Variants in ALKBH8 observed in about 807,000 individuals in gnomAD.
ALKBH8 encodes the protein tRNA (carboxymethyluridine(34)-5-O)-methyltransferase ALKBH8.
In ALKBH8, 36 loss-of-function variants were observed where a neutral mutation model predicts 59.8. The observed-to-expected ratio is 0.60, with a 90% CI of 0.46 to 0.79. ALKBH8 has a LOEUF of 0.79. Ranked by LOEUF, ALKBH8 falls within the 30% of genes least tolerant of loss-of-function variation. ALKBH8 has a pLI of 0.00. For missense variants in ALKBH8, 768 were observed against 801.0 expected (o/e 0.96, Z 0.50); for synonymous variants, 276 against 273.6 (o/e 1.01, Z -0.09).
chr11:107,547,438 G>A (rs1039656018), intron 7 of ALKBH8, among the ~76,000 whole-genome samples: 1 of 152,170 alleles, frequency 6.6e-6, no homozygotes, highest in Non-Finnish European at 1.5e-5. Context: ...TAAGTAAGGA[G>A]CCCTAGAACA....
chr11:107,544,515 T>G (rs1197901466), intron 7 of ALKBH8, among the ~76,000 whole-genome samples: 1 of 152,156 alleles, frequency 6.6e-6, no homozygotes, highest in East Asian at 1.9e-4. Context: ...GAACTTAAGT[T>G]ACTAAGGAAA....
In ALKBH8 at chr11:107,525,558, A is replaced by C. The variant is rs746011752; in HGVS notation, c.913T>G (p.Ser305Ala). The C allele has an allele frequency of 6.7e-7, 1 of 1,496,722 alleles. No individual in the cohort carries two copies. The highest frequency in any genetic ancestry group is 8.9e-7 in the Non-Finnish European group (1 of 1,125,588). 92.7% of individuals were successfully genotyped at this position (1,496,722 alleles called of 1,614,324 possible). The part of the protein sequence containing the change: ...TCRKFDTVQA[S>A]ESLKSGIITS... ...ATAATTCCACTTTTAAGACTCTCAGATGCTTGAACAGTATCAAATTTTCTG... is the reference window on the plus strand; with the variant it reads ...ATAATTCCACTTTTAAGACTCTCAGCTGCTTGAACAGTATCAAATTTTCTG... Residue 305 changes from serine to alanine, a missense_variant, in exon 9 of 12, where the codon TCT (serine) becomes GCT (alanine). Coordinates refer to ENST00000428149, the MANE Select transcript of ALKBH8 (RefSeq NM_138775.3).
intron 11 of ALKBH8, among the ~76,000 whole-genome samples, chr11:107,507,881 A>G (rs1862456758): frequency 6.6e-6 from 1 of 152,168 alleles, no homozygotes. Context: ...GATTTTCCAC[A>G]TAAAATCTTA....
intron 5 of ALKBH8, among the ~76,000 whole-genome samples, chr11:107,552,304 A>T (rs1864531159): frequency 6.6e-6 from 1 of 152,060 alleles, no homozygotes; most frequent in Admixed American, 6.5e-5. Context: ...CCAAAGTGGA[A>T]CTAACTTACT....
At chr11:107,546,532 AT>A (rs1339226547) in intron 7 of ALKBH8, among the ~76,000 whole-genome samples, 1 of 152,130 alleles carries the variant, frequency 6.6e-6, no homozygotes, top group Non-Finnish European at 1.5e-5. Context: ...AGCACTGAGT[AT>A]TTGAGATGGA....
intron 8 of ALKBH8, among the ~76,000 whole-genome samples, chr11:107,528,382 T>C (rs1033867231): frequency 4.6e-5 from 7 of 152,108 alleles, no homozygotes; most frequent in Non-Finnish European, 1.0e-4. Context: ...AGTTTTAGGG[T>C]ACATGTGCAC....
At chr11:107,535,600 G>T (rs891767200) in intron 7 of ALKBH8, among the ~76,000 whole-genome samples, 38 of 151,956 alleles carry the variant, frequency 2.5e-4, no homozygotes, top group African/African-American at 9.2e-4. Context: ...TTTTTGATAT[G>T]ATTGTTTGTT....
At chr11:107,531,654 A>G (rs1196891624) in intron 8 of ALKBH8, among the ~76,000 whole-genome samples, 3 of 152,228 alleles carry the variant, frequency 2.0e-5, no homozygotes, top group Non-Finnish European at 2.9e-5. Context: ...TATTTTATCA[A>G]TGTTGAATTT....
intron 8 of ALKBH8, among the ~76,000 whole-genome samples, chr11:107,529,694 G>A (rs574249282): frequency 2.7e-5 from 4 of 146,882 alleles, no homozygotes; most frequent in South Asian, 2.1e-4. Context: ...TAGTAGAGAC[G>A]GGGTTTCACC....
At chr11:107,550,789 G>C (rs630480) in intron 6 of ALKBH8, among the ~76,000 whole-genome samples, 1 of 151,896 alleles carries the variant, frequency 6.6e-6, no homozygotes, top group Non-Finnish European at 1.5e-5. Context: ...GTGGAAGCTC[G>C]CTCTCTCTCC....
intron 10 of ALKBH8, among the ~76,000 whole-genome samples, chr11:107,519,861 C>T (rs2135494046): frequency 6.6e-6 from 1 of 152,240 alleles, no homozygotes; most frequent in East Asian, 1.9e-4. Context: ...ATCTCAAAGC[C>T]TCTGTTTCCT....
chr11:107,508,278 T>G (rs1007489771), intron 11 of ALKBH8, among the ~76,000 whole-genome samples: 3 of 151,706 alleles, frequency 2.0e-5, no homozygotes, highest in Non-Finnish European at 4.4e-5. Flanking sequence ...GTTCATGTGA[T>G]TCTCATGTCT....
chr11:107,536,167 CTA>C (rs1863806509), intron 7 of ALKBH8, among the ~76,000 whole-genome samples: 1 of 152,216 alleles, frequency 6.6e-6, no homozygotes, highest in Non-Finnish European at 1.5e-5. Flanking sequence ...CTTCTGTTTT[CTA>C]TATGTCACTT....
At chr11:107,522,266 A>G in intron 10 of ALKBH8, 33 bp downstream of exon 10, 1 of 1,547,292 alleles carries the variant, frequency 6.5e-7, no homozygotes, top group East Asian at 2.4e-5. Flanking sequence ...CTGCAAATTA[A>G]GCAAAAAGAA....
intron 11 of ALKBH8, among the ~76,000 whole-genome samples, chr11:107,506,408 A>AG (rs1158083593): frequency 6.6e-5 from 10 of 151,826 alleles, no homozygotes; most frequent in Non-Finnish European, 1.2e-4. Context: ...TGAAAAACAG[A>AG]GAAAAAAAAA....
chr11:107,513,772 A>G (rs888185979), intron 10 of ALKBH8, among the ~76,000 whole-genome samples: 8 of 152,220 alleles, frequency 5.3e-5, no homozygotes, highest in Admixed American at 1.3e-4. Flanking sequence ...CATTACCCTA[A>G]GCAAACTGAT....
chr11:107,522,186 G>T, intron 10 of ALKBH8, 113 bp downstream of exon 10: 2 of 1,244,194 alleles, frequency 1.6e-6, no homozygotes, highest in Non-Finnish European at 2.2e-6. Context: ...TCAATCTGTT[G>T]GTTATAACTT....
intron 4 of ALKBH8, 32 bp downstream of exon 4, chr11:107,553,813 CTT>C (rs1565346499): frequency 1.3e-6 from 2 of 1,592,182 alleles, no homozygotes; most frequent in Admixed American, 1.8e-5. Flanking sequence ...TTTGCAGAAA[CTT>C]TCAAATATCA....
intron 7 of ALKBH8, among the ~76,000 whole-genome samples, chr11:107,542,386 T>A (rs552004714): frequency 2.0e-5 from 3 of 152,118 alleles, no homozygotes; most frequent in African/African-American, 7.2e-5. Flanking sequence ...AAAAAGTAGA[T>A]GAAATCTTTA....
Sources: allele counts gnomAD v4.1 joint callset (sites outside exome capture counted in the v4.1 genomes callset), GRCh38; gene constraint gnomAD v4.1.1; transcripts MANE v1.5; gene names NCBI Gene and HGNC (gene_info 2026-07-23, HGNC 2026-07-21).